Variants in ZCCHC14 observed in about 807,000 individuals in gnomAD.
The protein encoded by ZCCHC14 is zinc finger CCHC domain-containing protein 14.
In ZCCHC14, 16 loss-of-function variants were observed where a neutral mutation model predicts 85.0. The observed-to-expected ratio is 0.19, with a 90% CI of 0.13 to 0.29. ZCCHC14 has a LOEUF of 0.29. Ranked by LOEUF, ZCCHC14 falls within the 10% of genes least tolerant of loss-of-function variation. The pLI is 1.00. For missense variants in ZCCHC14, 1,303 were observed against 1,443.5 expected (o/e 0.90, Z 1.58); for synonymous variants, 775 against 630.7 (o/e 1.23, Z -3.43).
At chr16:87,489,607 C>G (rs911442165) in intron 1 of ZCCHC14, among the ~76,000 whole-genome samples, 1 of 152,172 alleles carries the variant, frequency 6.6e-6, no homozygotes, top group African/African-American at 2.4e-5. Context: ...AGGGACAACA[C>G]TGAGGGGCAG....
chr16:87,462,868 G>C (rs1041521153), intron 1 of ZCCHC14, among the ~76,000 whole-genome samples: 1 of 150,432 alleles, frequency 6.6e-6, no homozygotes, highest in Non-Finnish European at 1.5e-5. Context: ...TCAGGAGTTT[G>C]AGACCAGCCT....
rs370501121 is a variant in ZCCHC14, at chr16:87,412,248, T to C, written c.2473A>G (p.Met825Val). The C allele has an allele frequency of 1.9e-6, 3 of 1,612,394 alleles. No homozygotes were observed. Among genetic ancestry groups the C allele is most frequent in the Non-Finnish European group, 8.5e-7 (1 of 1,178,780 alleles). The change falls in exon 12 of 13, where the codon ATG becomes GTG. Residue 825 changes from methionine to valine, a missense_variant. Met to Val is a conservative substitution (Grantham distance 21). Coordinates refer to ENST00000671377, the MANE Select transcript of ZCCHC14 (RefSeq NM_015144.3). ...AGGGGGCCCACTGGCATACTGCTCA[T>C]TGCAGAAAAGGCAACTTTGGTGTTG... ...TANTKVAFSA[M>V]SSMPVGPLQG...
intron 2 of ZCCHC14, among the ~76,000 whole-genome samples, chr16:87,451,909 G>A (rs780045676): frequency 1.3e-5 from 2 of 152,252 alleles, no homozygotes; most frequent in African/African-American, 2.4e-5. Context: ...TCTAGCTCAC[G>A]AGCCTGGGCA....
At chr16:87,479,542 G>A (rs1472931114) in intron 1 of ZCCHC14, among the ~76,000 whole-genome samples, 1 of 152,114 alleles carries the variant, frequency 6.6e-6, no homozygotes, top group African/African-American at 2.4e-5. Flanking sequence ...GAGTTAATCT[G>A]ATGTCACTGT....
In ZCCHC14 at chr16:87,420,941, T is replaced by A. The variant is rs1278001089; in HGVS notation, c.841-225A>T. On this transcript the variant is annotated intron_variant, in intron 4 of 12. Coordinates refer to ENST00000671377, the MANE Select transcript of ZCCHC14 (RefSeq NM_015144.3). The surrounding 1 kb of genome is among the most constrained non-coding windows in gnomAD (Gnocchi z 5.0). ...AGTTACATCCGGAAAAGCTTGACAA[T>A]CTGCACAATCACAATGTTCCTTGAG... Among the ~76,000 whole-genome samples, 1 of 152,222 alleles carries A rather than the reference T, an allele frequency of 6.6e-6. No individual in the cohort carries two copies. Among genetic ancestry groups the A allele is most frequent in the Non-Finnish European group, 1.5e-5 (1 of 68,042 alleles).
At chr16:87,425,551 G>A (rs1405407260) in intron 3 of ZCCHC14, among the ~76,000 whole-genome samples, 2 of 151,718 alleles carry the variant, frequency 1.3e-5, no homozygotes, top group African/African-American at 2.4e-5. Flanking sequence ...ACTCCAGCCT[G>A]GGCAACAAGA....
chr16:87,416,019 C>T (rs1019959954), intron 8 of ZCCHC14, among the ~76,000 whole-genome samples: 7 of 152,078 alleles, frequency 4.6e-5, no homozygotes, highest in South Asian at 2.1e-4. Context: ...CTCCACCTCC[C>T]GGGTTCAAGT....
At chr16:87,475,680 T>C (rs951015166) in intron 1 of ZCCHC14, among the ~76,000 whole-genome samples, 2 of 151,628 alleles carry the variant, frequency 1.3e-5, no homozygotes, top group Admixed American at 1.3e-4. Context: ...AATCTGAAGA[T>C]GGATCAATAA....
chr16:87,492,475 G>A lies in ZCCHC14; in HGVS notation c.-237C>T, dbSNP rs894624160. ...GCGGGCGCGCGCGGGGCGCCGGGGG[G>A]GCCCGGGGCGGCCGGGGCGGCCGGG... On this transcript the variant is annotated 5_prime_UTR_variant, in exon 1 of 13. Transcript: ENST00000671377. The surrounding 1 kb of genome is among the most constrained non-coding windows in gnomAD (Gnocchi z 6.7). 2.1e-5 allele frequency: 3 copies of A among 144,970 alleles called. No homozygotes were observed. Among genetic ancestry groups the A allele is most frequent in the African/African-American group, 4.9e-5 (2 of 40,566 alleles). The allele number at this position is 144,970 out of a possible 1,614,324, so 9.0% of individuals were successfully genotyped here. A position where few individuals can be genotyped will look rare whatever the true frequency, so the allele number is the denominator to read the frequency against.
chr16:87,407,280 C>G lies in ZCCHC14; in HGVS notation c.*3000G>C, dbSNP rs992814779. 1 of 152,234 alleles carries G rather than the reference C, an allele frequency of 6.6e-6. No individual in the cohort carries two copies. The highest frequency in any genetic ancestry group is 2.4e-5 in the African/African-American group (1 of 41,468). The allele number at this position is 152,234 out of a possible 1,614,324, so 9.4% of individuals were successfully genotyped here. On this transcript the variant is annotated 3_prime_UTR_variant, in exon 13 of 13. Coordinates refer to ENST00000671377, the MANE Select transcript of ZCCHC14 (RefSeq NM_015144.3). ...CTACTAACACTACTGTATTAACAAG[C>G]TGACTCCTGTAATCTTTTGGAGATG...
Position 87,492,818 on chromosome 16 carries a change from G to C in ZCCHC14, c.-580C>G, listed in dbSNP as rs1243009870. On this transcript the variant is annotated 5_prime_UTR_variant, in exon 1 of 13. Coordinates refer to ENST00000671377, the MANE Select transcript of ZCCHC14 (RefSeq NM_015144.3). The surrounding 1 kb of genome is among the most constrained non-coding windows in gnomAD (Gnocchi z 6.7). ...CGGCCGCGAAACGGACGCTGGAGGG[G>C]GAGGGACGCGCGGCGGGAGGCGCGG... Among the ~76,000 whole-genome samples the C allele has an allele frequency of 2.0e-5, 3 of 147,628 alleles. No homozygotes were observed. Among genetic ancestry groups the C allele is most frequent in the Non-Finnish European group, 3.0e-5 (2 of 66,304 alleles).
intron 1 of ZCCHC14, chr16:87,467,458 A>C (rs1911576706): frequency 6.2e-7 from 1 of 1,606,586 alleles, no homozygotes; most frequent in African/African-American, 1.3e-5. Flanking sequence ...ATTTCTGTTC[A>C]CGGTGTGAGT....
Position 87,412,560 on chromosome 16 carries a change from T to C in ZCCHC14, c.2161A>G (p.Met721Val), listed in dbSNP as rs369830578. Reference sequence around the variant, plus strand: ...GGACCAAAGGAGACTGTGGGTGACATGGAGCTGCTCTCCGAAAGCCCAGAG... The same window carrying C: ...GGACCAAAGGAGACTGTGGGTGACACGGAGCTGCTCTCCGAAAGCCCAGAG... ...VLSGLSESSS[M>V]SPTVSFGPRT... The change falls in exon 12 of 13, where the codon ATG becomes GTG. Residue 721 changes from methionine (M) to valine (V), a missense_variant. Around this residue, in one of 7 missense-constraint regions of ZCCHC14, gnomAD observed 797 missense variants for 730.8 expected, o/e 1.09. Transcript: ENST00000671377. 1.9e-5 allele frequency: 31 copies of C among 1,613,980 alleles called. No individual in the cohort carries two copies. The highest frequency in any genetic ancestry group is 3.3e-4 in the Middle Eastern group (2 of 6,084).
chr16:87,466,480 CCT>C (rs1187990774), intron 1 of ZCCHC14, among the ~76,000 whole-genome samples: 4 of 152,194 alleles, frequency 2.6e-5, no homozygotes, highest in African/African-American at 9.7e-5. Context: ...GTGCCAGCGA[CCT>C]CTCTGGCAGT....
At chr16:87,449,958 T>C (rs913339798) in intron 2 of ZCCHC14, among the ~76,000 whole-genome samples, 5 of 152,164 alleles carry the variant, frequency 3.3e-5, no homozygotes, top group East Asian at 1.9e-4. Context: ...GGCAGGAGGA[T>C]TGCTTAAGCC....
intron 1 of ZCCHC14, among the ~76,000 whole-genome samples, chr16:87,468,859 C>T (rs1911653508): frequency 6.6e-6 from 1 of 152,196 alleles, no homozygotes; most frequent in African/African-American, 2.4e-5. Context: ...AGTGCCAAGG[C>T]TGAGAGGCCC....
chr16:87,430,919 C>T (rs1054345608), intron 3 of ZCCHC14, among the ~76,000 whole-genome samples: 29 of 151,888 alleles, frequency 1.9e-4, no homozygotes, highest in African/African-American at 6.8e-4. Context: ...GCGGGCAGAT[C>T]GCTTGAGCAG....
chr16:87,438,754 TG>T (rs1242922356), intron 2 of ZCCHC14, among the ~76,000 whole-genome samples: 1 of 152,020 alleles, frequency 6.6e-6, no homozygotes, highest in Non-Finnish European at 1.5e-5. Context: ...TCCTCCTGCT[TG>T]GGGCATTCAC....
intron 2 of ZCCHC14, among the ~76,000 whole-genome samples, chr16:87,451,693 T>G (rs1910713093): frequency 6.6e-6 from 1 of 152,214 alleles, no homozygotes; most frequent in Admixed American, 6.5e-5. Flanking sequence ...GGGCCTATTC[T>G]GGGCAGAGGG....
Sources: gnomAD v4.1 joint callset for allele counts (sites outside exome capture counted in the v4.1 genomes callset) on GRCh38, gnomAD v4.1.1 for gene constraint, gnomAD v4.1.1 regional missense constraint, Gnocchi (gnomAD v3.1) non-coding constraint, MANE v1.5 for transcripts, NCBI Gene and HGNC (gene_info 2026-07-23, HGNC 2026-07-21) for gene names.